Variants in BMP5 observed in about 807,000 individuals in gnomAD.
BMP5 encodes bone morphogenetic protein 5.
Under a neutral mutation model 46.6 loss-of-function variants are expected in BMP5, and 23 were observed. That is an observed-to-expected ratio of 0.49 (90% confidence interval 0.35 to 0.70). The LOEUF (loss-of-function observed/expected upper bound fraction) is 0.70. BMP5 is among the 30% of genes least tolerant of loss of function. BMP5 has a pLI of 0.00. For missense variants in BMP5, 545 were observed against 565.6 expected (o/e 0.96, Z 0.37); for synonymous variants, 204 against 191.9 (o/e 1.06, Z -0.52).
chr6:55,828,764 G>A (rs2127541476), intron 1 of BMP5, among the ~76,000 whole-genome samples: 1 of 151,680 alleles, frequency 6.6e-6, no homozygotes, highest in South Asian at 2.1e-4. Flanking sequence ...AAATGGAGTG[G>A]GTTTAAGACA....
At chr6:55,836,710 A>T (rs1454750874) in intron 1 of BMP5, among the ~76,000 whole-genome samples, 1 of 151,802 alleles carries the variant, frequency 6.6e-6, no homozygotes, top group Non-Finnish European at 1.5e-5. Context: ...TTACCCTCCC[A>T]GCCTTTAGAC....
intron 1 of BMP5, among the ~76,000 whole-genome samples, chr6:55,844,498 G>T (rs1777049650): frequency 6.6e-6 from 1 of 151,878 alleles, no homozygotes; most frequent in South Asian, 2.1e-4. Context: ...TAACTTAGAA[G>T]TGATTTCCTT....
At chr6:55,809,066 T>C (rs2127534493) in intron 2 of BMP5, among the ~76,000 whole-genome samples, 1 of 152,334 alleles carries the variant, frequency 6.6e-6, no homozygotes, top group South Asian at 2.1e-4. Context: ...AATCATTATG[T>C]TCTTTAAAGT....
At chr6:55,793,772 C>T (rs1221683021) in intron 3 of BMP5, among the ~76,000 whole-genome samples, 2 of 152,158 alleles carry the variant, frequency 1.3e-5, no homozygotes, top group Admixed American at 6.6e-5. Flanking sequence ...ATTCCATCCC[C>T]ATCTCCTCTC....
At chr6:55,835,867 T>G (rs1320737150) in intron 1 of BMP5, among the ~76,000 whole-genome samples, 2 of 152,230 alleles carry the variant, frequency 1.3e-5, no homozygotes, top group Non-Finnish European at 2.9e-5. Context: ...GTTTTCAATT[T>G]AAATGTGAAA....
intron 4 of BMP5, among the ~76,000 whole-genome samples, chr6:55,771,991 TGAG>T (rs1436933632): frequency 6.6e-6 from 1 of 151,894 alleles, no homozygotes; most frequent in Non-Finnish European, 1.5e-5. Flanking sequence ...CCAAATCCTA[TGAG>T]GATTTTCCCA....
At chr6:55,853,138 TAAATAAAATAAAATA>T (rs750937640) in intron 1 of BMP5, among the ~76,000 whole-genome samples, 5,539 of 107,368 alleles carry the variant, frequency 0.052, 244 homozygotes, top group African/African-American at 0.089. Flanking sequence ...CTCAAATACA[TAAATAAAATAAAATA>T]AAATAAAATA....
In BMP5 at chr6:55,853,714, T is replaced by G. The variant is rs112826322; in HGVS notation, c.490+20662A>C. 1.8e-3 allele frequency among the ~76,000 whole-genome samples: 268 copies of G among 152,308 alleles called. 2 individuals are homozygous for G. The highest frequency in any genetic ancestry group is 0.012 in the South Asian group (59 of 4,830). On this transcript the variant is annotated intron_variant, in intron 1 of 6. Coordinates refer to ENST00000370830, the MANE Select transcript of BMP5 (RefSeq NM_021073.4). ...ATTAGCACATTTTTATTATTTATCC[T>G]TTAATAAACATTGTATTCCATGGAA...
intron 1 of BMP5, among the ~76,000 whole-genome samples, chr6:55,831,426 A>T (rs1474655254): frequency 6.6e-6 from 1 of 152,122 alleles, no homozygotes; most frequent in Admixed American, 6.6e-5. Flanking sequence ...CTACTAAAAA[A>T]AACTACTATA....
chr6:55,795,903 G>T (rs1160327664), intron 2 of BMP5, among the ~76,000 whole-genome samples: 1 of 152,144 alleles, frequency 6.6e-6, no homozygotes, highest in Non-Finnish European at 1.5e-5. Flanking sequence ...GCAGTAAAAT[G>T]ATTCCTTTAG....
intron 3 of BMP5, 50 bp downstream of exon 3, chr6:55,794,229 C>G: frequency 2.5e-6 from 4 of 1,599,510 alleles, no homozygotes; most frequent in Non-Finnish European, 3.4e-6. Context: ...CGATAACTCT[C>G]AATGTGTCAA....
intron 2 of BMP5, among the ~76,000 whole-genome samples, chr6:55,809,896 T>C (rs543178459): frequency 1.3e-5 from 2 of 152,292 alleles, no homozygotes; most frequent in African/African-American, 4.8e-5. Context: ...TTCCCAAAGC[T>C]TCTATTATTA....
chr6:55,791,572 A>T (rs189760325), intron 3 of BMP5, among the ~76,000 whole-genome samples: 4 of 152,328 alleles, frequency 2.6e-5, no homozygotes, highest in Admixed American at 2.6e-4. Context: ...ATGTAATATA[A>T]GAGAAAATTA....
At chr6:55,833,013 G>C (rs1262573983) in intron 1 of BMP5, among the ~76,000 whole-genome samples, 2 of 152,074 alleles carry the variant, frequency 1.3e-5, no homozygotes, top group African/African-American at 4.8e-5. Flanking sequence ...ATACTCCAGA[G>C]ACTCAAGCAG....
chr6:55,796,747 G>A (rs1775722932), intron 2 of BMP5, among the ~76,000 whole-genome samples: 1 of 147,888 alleles, frequency 6.8e-6, no homozygotes, highest in African/African-American at 2.5e-5. Context: ...GAGAATATGC[G>A]GTGTTTGGTT....
chr6:55,798,522 A>T (rs1775770207), intron 2 of BMP5, among the ~76,000 whole-genome samples: 1 of 152,148 alleles, frequency 6.6e-6, no homozygotes, highest in African/African-American at 2.4e-5. Flanking sequence ...TTCATTGTTC[A>T]TCTTGATTGT....
chr6:55,791,309 T>C (rs929140101), intron 3 of BMP5, among the ~76,000 whole-genome samples: 41 of 152,188 alleles, frequency 2.7e-4, no homozygotes, highest in African/African-American at 9.4e-4. Flanking sequence ...CCCAAGGCCC[T>C]ATCTCTTCCA....
intron 4 of BMP5, 84 bp downstream of exon 4, chr6:55,773,965 G>A (rs1458807068): frequency 1.4e-6 from 2 of 1,422,260 alleles, no homozygotes; most frequent in East Asian, 2.3e-5. Flanking sequence ...TATACATAGA[G>A]GGTAAATTTA....
intron 1 of BMP5, among the ~76,000 whole-genome samples, chr6:55,841,490 G>A (rs927358154): frequency 6.6e-6 from 1 of 152,006 alleles, no homozygotes; most frequent in African/African-American, 2.4e-5. Context: ...CTTTGCTAAG[G>A]CTGCCACAAC....
Sources: allele counts gnomAD v4.1 joint callset (sites outside exome capture counted in the v4.1 genomes callset), GRCh38; gene constraint gnomAD v4.1.1; transcripts MANE v1.5; gene names NCBI Gene and HGNC (gene_info 2026-07-23, HGNC 2026-07-21).